Variants in SHISA6 observed in about 807,000 individuals in gnomAD.
SHISA6 encodes the protein shisa family member 6, also known as protein shisa-6.
Under a neutral mutation model 47.9 loss-of-function variants are expected in SHISA6, and 22 were observed. That is an observed-to-expected ratio of 0.46 (90% confidence interval 0.33 to 0.66). The LOEUF (loss-of-function observed/expected upper bound fraction) is 0.66, where lower values mean the gene tolerates loss of function less well. SHISA6 is among the 30% of genes least tolerant of loss of function. The pLI, the probability that SHISA6 is intolerant of heterozygous loss-of-function variation, is 0.02. For synonymous variants in SHISA6, 388 were observed against 337.8 expected (o/e 1.15, Z -1.63); for missense variants, 680 against 764.6 (o/e 0.89, Z 1.30).
chr17:11,535,907 G>GGT (rs1043131742), intron 3 of SHISA6, among the ~76,000 whole-genome samples: 2 of 140,430 alleles, frequency 1.4e-5, no homozygotes, highest in Non-Finnish European at 3.1e-5. Context: ...GTGTGTGTGT[G>GGT]GTGTGTGTGT....
At chr17:11,383,288 C>A (rs964432040) in intron 3 of SHISA6, among the ~76,000 whole-genome samples, 1 of 152,066 alleles carries the variant, frequency 6.6e-6, no homozygotes, top group African/African-American at 2.4e-5. Context: ...ACAGAAGCAC[C>A]GTCTAGCATC....
chr17:11,279,339 G>A (rs950845694), intron 2 of SHISA6, among the ~76,000 whole-genome samples: 5 of 152,086 alleles, frequency 3.3e-5, no homozygotes, highest in Admixed American at 2.6e-4. Context: ...TTAGACCCTC[G>A]TAGAGGTACG....
Position 11,499,653 on chromosome 17 carries a change from T to C in SHISA6, c.896-52243T>C, listed in dbSNP as rs114439565. Among the ~76,000 whole-genome samples, 912 of 152,166 alleles carry C rather than the reference T, an allele frequency of 6.0e-3. 12 individuals carry two copies. The highest frequency in any genetic ancestry group is 0.02 in the African/African-American group (846 of 41,524). ...CCTCTTTTTTGTTTTTTATTTCTTTTAAGTAATTTGAAATCTATTCTTTTT... is the reference window on the plus strand; with the variant it reads ...CCTCTTTTTTGTTTTTTATTTCTTTCAAGTAATTTGAAATCTATTCTTTTT... On this transcript the variant is annotated intron_variant, in intron 3 of 5. Transcript: ENST00000441885.
chr17:11,315,205 A>T (rs1467481284), intron 2 of SHISA6, among the ~76,000 whole-genome samples: 1 of 152,096 alleles, frequency 6.6e-6, no homozygotes, highest in African/African-American at 2.4e-5. Context: ...AAGGCATTTT[A>T]TCATTTTTCT....
At chr17:11,521,252 T>G (rs983764143) in intron 3 of SHISA6, among the ~76,000 whole-genome samples, 3 of 152,230 alleles carry the variant, frequency 2.0e-5, no homozygotes, top group Non-Finnish European at 4.4e-5. Context: ...AAGACAATAA[T>G]TAAATATATA....
chr17:11,286,519 C>T (rs952050113), intron 2 of SHISA6, among the ~76,000 whole-genome samples: 3 of 152,308 alleles, frequency 2.0e-5, no homozygotes, highest in African/African-American at 7.2e-5. Flanking sequence ...TGCACTCCCA[C>T]TCATTCTGCC....
At position 11,361,573 on chromosome 17, in the gene SHISA6, C is replaced by T. The variant is rs1912288172; in HGVS notation, c.800-17841C>T. On this transcript the variant is annotated intron_variant, in intron 2 of 5. Coordinates refer to ENST00000441885, the MANE Select transcript of SHISA6 (RefSeq NM_207386.4). ...TGGGTAACTTAGGGGTAGGCATTGACTTGGAGGCAAAAGCAGTTTTAGATG... is the reference window on the plus strand; with the variant it reads ...TGGGTAACTTAGGGGTAGGCATTGATTTGGAGGCAAAAGCAGTTTTAGATG... Among the ~76,000 whole-genome samples the T allele has an allele frequency of 2.0e-5, 3 of 152,286 alleles. No individual in the cohort carries two copies. The South Asian group carries it at 6.2e-4, about 32-fold the overall frequency.
At chr17:11,482,620 G>A (rs994435127) in intron 3 of SHISA6, among the ~76,000 whole-genome samples, 8 of 152,122 alleles carry the variant, frequency 5.3e-5, no homozygotes, top group African/African-American at 1.9e-4. Context: ...CTTAAACTAC[G>A]GGTCTAAATA....
chr17:11,341,089 G>A (rs1260315640), intron 2 of SHISA6, among the ~76,000 whole-genome samples: 1 of 152,298 alleles, frequency 6.6e-6, no homozygotes, highest in East Asian at 1.9e-4. Context: ...GAAAAGTTCT[G>A]TTGGTCAATC....
At chr17:11,294,655 C>T (rs1909680356) in intron 2 of SHISA6, among the ~76,000 whole-genome samples, 1 of 152,094 alleles carries the variant, frequency 6.6e-6, no homozygotes, top group Non-Finnish European at 1.5e-5. Context: ...TACAGTATTC[C>T]TCCCTATCTG....
intron 3 of SHISA6, among the ~76,000 whole-genome samples, chr17:11,533,789 T>G (rs1308845258): frequency 6.6e-6 from 1 of 151,462 alleles, no homozygotes; most frequent in Non-Finnish European, 1.5e-5. Flanking sequence ...AGACGGGGTT[T>G]CACTGTGTTA....
chr17:11,346,789 A>G (rs1293892107), intron 2 of SHISA6, among the ~76,000 whole-genome samples: 1 of 152,218 alleles, frequency 6.6e-6, no homozygotes, highest in Non-Finnish European at 1.5e-5. Context: ...CTGAGACTCA[A>G]TGATATACTC....
intron 2 of SHISA6, among the ~76,000 whole-genome samples, chr17:11,274,084 C>T (rs924468871): frequency 6.6e-6 from 1 of 152,142 alleles, no homozygotes; most frequent in Non-Finnish European, 1.5e-5. Context: ...CAGCTGTGCC[C>T]AACTTGTCCC....
rs913224964 is a variant in SHISA6, at chr17:11,513,751, A to C, written c.896-38145A>C. On this transcript the variant is annotated intron_variant, in intron 3 of 5. Coordinates refer to ENST00000441885, the MANE Select transcript of SHISA6 (RefSeq NM_207386.4). ...TTCACAAGTCGAGCATTGGTCTTCCATGTCCAGAAACTCAATCTTTTAGTG... is the reference window on the plus strand; with the variant it reads ...TTCACAAGTCGAGCATTGGTCTTCCCTGTCCAGAAACTCAATCTTTTAGTG... Among the ~76,000 whole-genome samples, 4 of 152,230 alleles carry C rather than the reference A, an allele frequency of 2.6e-5. No homozygotes were observed. In the South Asian group the frequency reaches 8.3e-4, roughly 32 times the overall value.
At chr17:11,255,569 C>A (rs545551776) in intron 1 of SHISA6, among the ~76,000 whole-genome samples, 1 of 152,270 alleles carries the variant, frequency 6.6e-6, no homozygotes, top group South Asian at 2.1e-4. Flanking sequence ...GGTGACCTGA[C>A]GGGAAGGAAC....
At chr17:11,366,951 T>G (rs532774873) in intron 2 of SHISA6, among the ~76,000 whole-genome samples, 1 of 152,096 alleles carries the variant, frequency 6.6e-6, no homozygotes, top group Non-Finnish European at 1.5e-5. Flanking sequence ...TAAGATGAGG[T>G]CATACTGAAT....
intron 2 of SHISA6, among the ~76,000 whole-genome samples, chr17:11,320,723 C>T (rs7502186): frequency 0.16 from 24,663 of 151,720 alleles, 2,698 homozygotes; most frequent in African/African-American, 0.31. Flanking sequence ...CAGCAGCAGC[C>T]GGAGCAAAAC....
intron 3 of SHISA6, among the ~76,000 whole-genome samples, chr17:11,526,453 G>A (rs373957654): frequency 4.6e-5 from 7 of 152,114 alleles, no homozygotes; most frequent in South Asian, 2.1e-4. Context: ...TGCTCCACAC[G>A]TGTACAGGTG....
chr17:11,447,659 A>T (rs1035994791), intron 3 of SHISA6, among the ~76,000 whole-genome samples: 1 of 152,212 alleles, frequency 6.6e-6, no homozygotes, highest in African/African-American at 2.4e-5. Flanking sequence ...ACCTTTGCTG[A>T]TTTGACAGAT....
Sources: gnomAD v4.1 joint callset for allele counts (sites outside exome capture counted in the v4.1 genomes callset) on GRCh38, gnomAD v4.1.1 for gene constraint, MANE v1.5 for transcripts, NCBI Gene and HGNC (gene_info 2026-07-23, HGNC 2026-07-21) for gene names.